Variants in GRM8 observed in about 807,000 individuals in gnomAD.
The protein encoded by GRM8 is metabotropic glutamate receptor 8.
GRM8 carries 47 observed loss-of-function variants against 87.2 expected under a neutral mutation model. That is an observed-to-expected ratio of 0.54 (90% confidence interval 0.43 to 0.69). GRM8 has a LOEUF of 0.69. GRM8 is among the 30% of genes least tolerant of loss of function. GRM8 has a pLI of 0.00. For missense variants in GRM8, 1,019 were observed against 1,139.2 expected (o/e 0.89, Z 1.52); for synonymous variants, 396 against 404.5 (o/e 0.98, Z 0.25).
chr7:126,577,559 T>G (rs999520360), intron 8 of GRM8, among the ~76,000 whole-genome samples: 1 of 134,996 alleles, frequency 7.4e-6, no homozygotes, highest in African/African-American at 2.5e-5. Flanking sequence ...GATGATGATT[T>G]ACTCCAAAAA....
At chr7:127,220,262 A>T (rs991985595) in intron 2 of GRM8, among the ~76,000 whole-genome samples, 1 of 152,150 alleles carries the variant, frequency 6.6e-6, no homozygotes, top group Non-Finnish European at 1.5e-5. Flanking sequence ...CATATATGAA[A>T]ATACAATATC....
At position 126,528,134 on chromosome 7, in the gene GRM8, G is replaced by A. The variant is rs370867791; in HGVS notation, c.2430+4818C>T. ...CAGAAGAATCACTTGAACCCTGAAG[G>A]CAGAGGTTGCAGTGAGCCGAGGTAG... On this transcript the variant is annotated intron_variant, in intron 9 of 10. Coordinates refer to ENST00000339582, the MANE Select transcript of GRM8 (RefSeq NM_000845.3). Among the ~76,000 whole-genome samples the A allele has an allele frequency of 4.8e-3, 735 of 152,264 alleles. 7 individuals carry two copies. Among genetic ancestry groups the A allele is most frequent in the African/African-American group, 0.017 (694 of 41,552 alleles).
At chr7:126,738,396 C>A (rs947563001) in intron 7 of GRM8, among the ~76,000 whole-genome samples, 1 of 151,968 alleles carries the variant, frequency 6.6e-6, no homozygotes, top group African/African-American at 2.4e-5. Context: ...AACAGGTTTG[C>A]AAGATATTTC....
chr7:126,992,306 A>G (rs1366528711), intron 3 of GRM8, among the ~76,000 whole-genome samples: 1 of 152,216 alleles, frequency 6.6e-6, no homozygotes, highest in African/African-American at 2.4e-5. Flanking sequence ...CATAAGGAAG[A>G]CAGGAAGAAA....
Position 126,881,569 on chromosome 7 carries a change from G to A in GRM8, c.1156+20973C>T, listed in dbSNP as rs145683074. Among the ~76,000 whole-genome samples the A allele has an allele frequency of 9.1e-3, 1,392 of 152,324 alleles. 19 individuals carry two copies. The highest frequency in any genetic ancestry group is 0.031 in the African/African-American group (1,296 of 41,574). On this transcript the variant is annotated intron_variant, in intron 6 of 10. Coordinates refer to ENST00000339582, the MANE Select transcript of GRM8 (RefSeq NM_000845.3). Reference sequence around the variant, plus strand: ...CAGAGCACAGGGAAGACATGGAATAGTGTTGAGTGCATGGGGGCATGGCAA... The same window carrying A: ...CAGAGCACAGGGAAGACATGGAATAATGTTGAGTGCATGGGGGCATGGCAA...
At chr7:126,960,069 C>T (rs965575187) in intron 3 of GRM8, among the ~76,000 whole-genome samples, 1 of 152,110 alleles carries the variant, frequency 6.6e-6, no homozygotes, top group Non-Finnish European at 1.5e-5. Context: ...ATCCATAGCA[C>T]CTGATGCTAC....
chr7:126,554,571 T>A (rs1792938498), intron 8 of GRM8, among the ~76,000 whole-genome samples: 1 of 151,878 alleles, frequency 6.6e-6, no homozygotes, highest in Non-Finnish European at 1.5e-5. Context: ...CCAGCCTGAG[T>A]GACAGAATGA....
chr7:127,062,739 G>A (rs1471113979), intron 3 of GRM8, among the ~76,000 whole-genome samples: 1 of 152,066 alleles, frequency 6.6e-6, no homozygotes, highest in Non-Finnish European at 1.5e-5. Flanking sequence ...ATCAGTCTTG[G>A]GAGGGTGTAA....
intron 6 of GRM8, among the ~76,000 whole-genome samples, chr7:126,879,313 G>A (rs544146715): frequency 2.6e-5 from 4 of 152,004 alleles, no homozygotes; most frequent in Non-Finnish European, 4.4e-5. Context: ...TTATCATATT[G>A]TTTTTGCCCT....
rs1244043698 is a variant in GRM8 at position 126,790,902 on chromosome 7, C to G, written c.1157-20837G>C. ...TGGCATGAATGTCAGAAGGTGCCAACTGCTCTACTAGACTGAAGAATGGGA... is the reference window on the plus strand; with the variant it reads ...TGGCATGAATGTCAGAAGGTGCCAAGTGCTCTACTAGACTGAAGAATGGGA... On this transcript the variant is annotated intron_variant, in intron 6 of 10. Transcript: ENST00000339582. Among the ~76,000 whole-genome samples, 3 of 152,156 alleles carry G rather than the reference C, an allele frequency of 2.0e-5. No homozygotes were observed. The South Asian group carries it at 6.2e-4, about 32-fold the overall frequency.
intron 6 of GRM8, among the ~76,000 whole-genome samples, chr7:126,777,184 T>C (rs1267189132): frequency 6.6e-6 from 1 of 152,174 alleles, no homozygotes; most frequent in Non-Finnish European, 1.5e-5. Flanking sequence ...CTCTTCTTTT[T>C]CTGATATGCT....
intron 6 of GRM8, among the ~76,000 whole-genome samples, chr7:126,872,760 C>T (rs1003489198): frequency 1.3e-5 from 2 of 152,098 alleles, no homozygotes; most frequent in Non-Finnish European, 2.9e-5. Flanking sequence ...TACACAGGTG[C>T]ATCAAAGATT....
chr7:126,688,664 T>C (rs1343331357), intron 7 of GRM8, among the ~76,000 whole-genome samples: 3 of 151,788 alleles, frequency 2.0e-5, no homozygotes, highest in African/African-American at 4.8e-5. Flanking sequence ...ATAGATAACA[T>C]ACCAGCTTTA....
rs188461102 is a variant in GRM8 at position 127,097,023 on chromosome 7, G to A, written c.727+9473C>T. Among the ~76,000 whole-genome samples, 27 of 152,234 alleles carry A rather than the reference G, an allele frequency of 1.8e-4. No individual in the cohort carries two copies. The East Asian group carries it at 4.4e-3, about 25-fold the overall frequency. ...CACAACTAGGAATCTGGTGACAATG[G>A]TCATTCAACAGAAATTCATGAAGAG... On this transcript the variant is annotated intron_variant, in intron 3 of 10. Coordinates refer to ENST00000339582, the MANE Select transcript of GRM8 (RefSeq NM_000845.3).
At chr7:126,585,245 C>T (rs113244315) in intron 8 of GRM8, among the ~76,000 whole-genome samples, 1 of 152,034 alleles carries the variant, frequency 6.6e-6, no homozygotes, top group African/African-American at 2.4e-5. Flanking sequence ...TAGCAAATTC[C>T]TAATTCTATG....
intron 3 of GRM8, among the ~76,000 whole-genome samples, chr7:126,956,993 C>G (rs917851039): frequency 5.9e-5 from 9 of 152,140 alleles, no homozygotes; most frequent in African/African-American, 1.9e-4. Context: ...GAATGTTTTT[C>G]AACTCTAGGT....
chr7:126,635,007 T>G (rs1801707343), intron 7 of GRM8, among the ~76,000 whole-genome samples: 2 of 152,152 alleles, frequency 1.3e-5, no homozygotes, highest in South Asian at 4.1e-4. Context: ...ACCATCCCTG[T>G]GCGTGTTCCC....
At chr7:126,494,789 A>G (rs569118994) in intron 9 of GRM8, among the ~76,000 whole-genome samples, 5 of 152,048 alleles carry the variant, frequency 3.3e-5, no homozygotes, top group Non-Finnish European at 7.4e-5. Context: ...TTGAAAATAC[A>G]TTGATACTCT....
rs1434896515 is a variant in GRM8, at chr7:126,533,687, G to C, written c.1695C>G (p.Asn565Lys). 3 of 1,614,090 alleles carry C rather than the reference G, an allele frequency of 1.9e-6. No individual in the cohort carries two copies. Among genetic ancestry groups the C allele is most frequent in the Non-Finnish European group, 2.5e-6 (3 of 1,179,974 alleles). ...TGGGGATAAGCTGGCAGCCTGTGCG[G>C]TTCATGTTGGGTCTCTGATCCAGAG... The part of the protein sequence containing the change: ...LCPLDQRPNM[N>K]RTGCQLIPII... The change falls in exon 9 of 11, where the codon AAC (asparagine) becomes AAG (lysine). Residue 565 changes from asparagine to lysine, a missense_variant. By Grantham distance (94) the Asn-to-Lys change is moderately conservative. Coordinates refer to ENST00000339582, the MANE Select transcript of GRM8 (RefSeq NM_000845.3).
Sources: gnomAD v4.1 joint callset for allele counts (sites outside exome capture counted in the v4.1 genomes callset) on GRCh38, gnomAD v4.1.1 for gene constraint, MANE v1.5 for transcripts, NCBI Gene and HGNC (gene_info 2026-07-23, HGNC 2026-07-21) for gene names.